Variants in VSNL1 observed in about 807,000 individuals in gnomAD.
VSNL1 encodes the protein visinin-like protein 1.
A neutral mutation model predicts 20.4 loss-of-function variants in VSNL1; 6 were observed. That is an observed-to-expected ratio of 0.29 (90% confidence interval 0.16 to 0.58). The LOEUF (loss-of-function observed/expected upper bound fraction) is 0.58, where lower values mean the gene tolerates loss of function less well. VSNL1 is among the 20% of genes least tolerant of loss of function. The pLI, the probability that VSNL1 is intolerant of heterozygous loss-of-function variation, is 0.90. For synonymous variants in VSNL1, 93 were observed against 86.4 expected, an observed-to-expected ratio of 1.08 and a Z score of -0.42; for missense variants, 100 against 234.5, an observed-to-expected ratio of 0.43 and a Z score of 3.75.
intron 1 of VSNL1, among the ~76,000 whole-genome samples, chr2:17,587,394 C>CACACATAT (rs546861051): frequency 6.9e-6 from 1 of 144,584 alleles, no homozygotes; most frequent in African/African-American, 2.5e-5. Flanking sequence ...CACACACACA[C>CACACATAT]ATATATTTTG....
chr2:17,619,373 G>A (rs1665293796), intron 2 of VSNL1, among the ~76,000 whole-genome samples: 1 of 152,136 alleles, frequency 6.6e-6, no homozygotes, highest in African/African-American at 2.4e-5. Flanking sequence ...TGGAGATTGA[G>A]GGGTGGTTTT....
At chr2:17,592,282 A>G (rs1311850841) in intron 2 of VSNL1, 46 bp downstream of exon 2, 1 of 1,578,186 alleles carries the variant, frequency 6.3e-7, no homozygotes, top group African/African-American at 1.3e-5. Flanking sequence ...GCCAGAAACT[A>G]TGGCCTTCAT....
At chr2:17,654,468 C>T (rs1260163962) in intron 3 of VSNL1, among the ~76,000 whole-genome samples, 1 of 152,152 alleles carries the variant, frequency 6.6e-6, no homozygotes, top group African/African-American at 2.4e-5. Flanking sequence ...ATCCCCAAGG[C>T]TAGTGCTTTT....
At chr2:17,593,534 A>C (rs1276101989) in intron 2 of VSNL1, among the ~76,000 whole-genome samples, 1 of 152,216 alleles carries the variant, frequency 6.6e-6, no homozygotes, top group Non-Finnish European at 1.5e-5. Flanking sequence ...TCAAGTGGGG[A>C]AGACCAAGGG....
rs906905727 is a variant in VSNL1, at chr2:17,596,612, C to T, written c.162+4376C>T. Among the ~76,000 whole-genome samples, 6 of 152,120 alleles carry T rather than the reference C, an allele frequency of 3.9e-5. No homozygotes were observed. In the South Asian group the frequency reaches 8.3e-4, roughly 21 times the overall value. On this transcript the variant is annotated intron_variant, in intron 2 of 3. Transcript: ENST00000295156. ...AAGCCAAAGAAATCAAGAAACAAAC[C>T]TAGAGGAATCCTGCAAAGAGCCCTA...
chr2:17,655,342 C>T lies in VSNL1; in HGVS notation c.524C>T (p.Ala175Val). ...QITLDEFKEA[A>V]KSDPSIVLLL... ...ACACTGGATGAATTCAAAGAAGCTG[C>T]AAAGAGCGACCCTTCCATTGTATTA... is the stretch of plus-strand genomic sequence containing the variant. The change falls in exon 4 of 4, where the codon GCA (alanine) becomes GTA (valine). Residue 175 changes from alanine (A) to valine (V), a missense_variant. Coordinates refer to ENST00000295156, the MANE Select transcript of VSNL1 (RefSeq NM_003385.5). The surrounding 1 kb of genome is among the most constrained non-coding windows in gnomAD (Gnocchi z 5.2). 6.2e-7 allele frequency: 1 copy of T among 1,614,074 alleles called. No individual in the cohort carries two copies. The highest frequency in any genetic ancestry group is 8.5e-7 in the Non-Finnish European group (1 of 1,179,996).
At chr2:17,639,474 T>A (rs1341272387) in intron 2 of VSNL1, among the ~76,000 whole-genome samples, 2 of 152,204 alleles carry the variant, frequency 1.3e-5, no homozygotes, top group African/African-American at 4.8e-5. Context: ...GCCTAGTATC[T>A]GCCACATATG....
chr2:17,551,904 A>ATAAT (rs1558279126), intron 1 of VSNL1, among the ~76,000 whole-genome samples: 1 of 150,838 alleles, frequency 6.6e-6, no homozygotes, highest in Non-Finnish European at 1.5e-5. Context: ...GTTAAAAAAA[A>ATAAT]AAAAAAAAAA....
chr2:17,601,021 A>C (rs1664809198), intron 2 of VSNL1, among the ~76,000 whole-genome samples: 1 of 152,180 alleles, frequency 6.6e-6, no homozygotes, highest in Admixed American at 6.5e-5. Context: ...CAAGGGTGTG[A>C]AGTTATTTTG....
chr2:17,647,054 GT>G (rs1398490268), intron 2 of VSNL1, among the ~76,000 whole-genome samples: 1 of 152,140 alleles, frequency 6.6e-6, no homozygotes. Flanking sequence ...AAACATGTTG[GT>G]TGTAAAAGTC....
chr2:17,550,168 G>A (rs1023283581), intron 1 of VSNL1, among the ~76,000 whole-genome samples: 3 of 152,046 alleles, frequency 2.0e-5, no homozygotes, highest in African/African-American at 7.2e-5. Context: ...TTTTAAAAAG[G>A]TGATTTATAA....
intron 2 of VSNL1, among the ~76,000 whole-genome samples, chr2:17,610,830 T>G (rs1665067168): frequency 6.6e-6 from 1 of 152,264 alleles, no homozygotes; most frequent in East Asian, 1.9e-4. Flanking sequence ...AGGGCCACAG[T>G]TCAAGGCCCT....
intron 1 of VSNL1, among the ~76,000 whole-genome samples, chr2:17,544,351 A>G (rs548855776): frequency 3.3e-5 from 5 of 152,270 alleles, no homozygotes; most frequent in Admixed American, 1.3e-4. Flanking sequence ...ATACCCATTC[A>G]TATACCCTTG....
intron 2 of VSNL1, among the ~76,000 whole-genome samples, chr2:17,628,605 G>A (rs1003178674): frequency 2.0e-5 from 3 of 152,188 alleles, no homozygotes; most frequent in African/African-American, 4.8e-5. Flanking sequence ...ATTCAGATGT[G>A]GTTTCCAAGT....
intron 2 of VSNL1, among the ~76,000 whole-genome samples, chr2:17,621,244 TTTTTCTTTCTTTC>T (rs1050288214): frequency 4.6e-5 from 7 of 151,710 alleles, no homozygotes; most frequent in African/African-American, 1.7e-4. Flanking sequence ...TCTTTCCTTC[TTTTTCTTTCTTTC>T]TTTTCTTTCT....
At chr2:17,605,850 A>G (rs1664932540) in intron 2 of VSNL1, among the ~76,000 whole-genome samples, 1 of 152,244 alleles carries the variant, frequency 6.6e-6, no homozygotes, top group Non-Finnish European at 1.5e-5. Context: ...AGAAAACCAG[A>G]TACTTTACGT....
chr2:17,591,976 A>T, intron 1 of VSNL1, 94 bp from the exon 2 acceptor site: 1 of 1,445,152 alleles, frequency 6.9e-7, no homozygotes, highest in Non-Finnish European at 9.5e-7. Context: ...GGGAGTTCCG[A>T]CCATGGGACT....
chr2:17,622,560 G>GAAAGAA (rs1553303340), intron 2 of VSNL1, among the ~76,000 whole-genome samples: 1 of 120,482 alleles, frequency 8.3e-6, no homozygotes, highest in Admixed American at 8.1e-5. Context: ...AAGAAAGAAA[G>GAAAGAA]AAAGAAAGAA....
In VSNL1 at chr2:17,655,090, G is replaced by A; in HGVS notation, c.379-107G>A. 1 of 1,144,540 alleles carries A rather than the reference G, an allele frequency of 8.7e-7. No individual in the cohort carries two copies. The highest frequency in any genetic ancestry group is 1.5e-5 in the South Asian group (1 of 65,910). The allele number at this position is 1,144,540 out of a possible 1,614,324, so 70.9% of individuals were successfully genotyped here. A position where few individuals can be genotyped will look rare whatever the true frequency, so the allele number is the denominator to read the frequency against. On this transcript the variant is annotated intron_variant, in intron 3 of 3. Transcript: ENST00000295156. This position sits in a 1 kb window ranked among gnomAD's most constrained non-coding sequence, Gnocchi z 5.2. ...AAACTCCTCTGGGGAAAGGGAAGCT[G>A]AGGCTTGGAGGATGGGTGGGATCCC...
Sources: gnomAD v4.1 joint callset for allele counts (sites outside exome capture counted in the v4.1 genomes callset) on GRCh38, gnomAD v4.1.1 for gene constraint, Gnocchi (gnomAD v3.1) non-coding constraint, MANE v1.5 for transcripts, NCBI Gene and HGNC (gene_info 2026-07-23, HGNC 2026-07-21) for gene names.